The following SLC39A8 variants were observed in gnomAD, a reference collection of about 807,000 sequenced individuals.
SLC39A8 encodes solute carrier family 39 member 8, also known as metal cation symporter ZIP8.
Under a neutral mutation model 40.4 loss-of-function variants are expected in SLC39A8, and 15 were observed. The observed-to-expected ratio is 0.37, with a 90% CI of 0.25 to 0.57. The LOEUF (loss-of-function observed/expected upper bound fraction) is 0.57, where lower values mean the gene tolerates loss of function less well. SLC39A8 is among the 20% of genes least tolerant of loss of function. SLC39A8 has a pLI of 0.75. For missense variants in SLC39A8, 472 were observed against 558.8 expected, an observed-to-expected ratio of 0.84 and a Z score of 1.57; for synonymous variants, 223 against 221.6, an observed-to-expected ratio of 1.01 and a Z score of -0.06.
chr4:102,287,399 C>T (rs1432879644), intron 6 of SLC39A8, among the ~76,000 whole-genome samples: 1 of 152,168 alleles, frequency 6.6e-6, no homozygotes, highest in Non-Finnish European at 1.5e-5. Context: ...GAAGCACTCT[C>T]TGCACTTAAG....
chr4:102,270,601 A>G (rs552632321), intron 6 of SLC39A8, among the ~76,000 whole-genome samples: 1 of 152,288 alleles, frequency 6.6e-6, no homozygotes, highest in South Asian at 2.1e-4. Flanking sequence ...TACTCTAAAT[A>G]TGAGGCTATT....
rs1396077650 is a variant in SLC39A8, at chr4:102,290,656, TCAACAATTTGGCC to T, written c.840+13648_840+13660del. Among the ~76,000 whole-genome samples, 1,120 of 152,162 alleles carry T rather than the reference TCAACAATTTGGCC, an allele frequency of 7.4e-3. 20 individuals carry two copies. Among genetic ancestry groups the T allele is most frequent in the African/African-American group, 0.025 (1,050 of 41,512 alleles). The stretch of plus-strand genomic sequence containing the variant: ...TTTGTAGGTGTGAAGAAGGTAAACG[TCAACAATTTGGCC>T]CCTGAAAATGAGGACACTGGCTCAG... On this transcript the variant is annotated intron_variant, in intron 6 of 8. Coordinates refer to ENST00000356736, the MANE Select transcript of SLC39A8 (RefSeq NM_001135146.2).
chr4:102,315,564 T>A lies in SLC39A8; in HGVS notation c.382+104A>T, dbSNP rs973020980. On this transcript the variant is annotated intron_variant, in intron 3 of 8. Coordinates refer to ENST00000356736, the MANE Select transcript of SLC39A8 (RefSeq NM_001135146.2). ...AAGTATTATTCGAAGAAGTTCTATG[T>A]AGATTAATTAAAAGCAATAAAGCAG... 2.2e-5 allele frequency: 21 copies of A among 960,636 alleles called. No homozygotes were observed. In the African/African-American group the frequency reaches 3.0e-4, roughly 14 times the overall value. 59.5% of individuals were successfully genotyped at this position (960,636 alleles called of 1,614,324 possible).
intron 6 of SLC39A8, among the ~76,000 whole-genome samples, chr4:102,291,028 C>G (rs1328208742): frequency 1.3e-5 from 2 of 152,054 alleles, no homozygotes; most frequent in African/African-American, 4.8e-5. Context: ...TTCAACCTCT[C>G]CCTGTCTGCC....
chr4:102,333,149 G>C (rs773809511), intron 2 of SLC39A8, among the ~76,000 whole-genome samples: 11 of 151,984 alleles, frequency 7.2e-5, no homozygotes, highest in African/African-American at 2.7e-4. Context: ...ATGTATCCCA[G>C]AACTTGAAGT....
intron 2 of SLC39A8, among the ~76,000 whole-genome samples, chr4:102,336,434 C>T (rs886352969): frequency 5.9e-5 from 9 of 152,262 alleles, no homozygotes; most frequent in Admixed American, 2.6e-4. Context: ...GTCTAAGAAG[C>T]TCACCAAATA....
At chr4:102,306,625 G>C (rs969118559) in intron 4 of SLC39A8, among the ~76,000 whole-genome samples, 1 of 151,852 alleles carries the variant, frequency 6.6e-6, no homozygotes, top group Admixed American at 6.6e-5. Context: ...TCTGTATGGG[G>C]TTTGTCTCTC....
At chr4:102,288,927 A>C (rs1455337887) in intron 6 of SLC39A8, among the ~76,000 whole-genome samples, 1 of 152,138 alleles carries the variant, frequency 6.6e-6, no homozygotes, top group Non-Finnish European at 1.5e-5. Flanking sequence ...TATCCAGGAG[A>C]TCTAACTAAA....
intron 6 of SLC39A8, among the ~76,000 whole-genome samples, chr4:102,272,410 G>C (rs1732404233): frequency 1.3e-5 from 2 of 151,030 alleles, no homozygotes; most frequent in Admixed American, 1.3e-4. Context: ...AGCCGAGCCT[G>C]GGTGACAGAG....
rs180689118 is a variant in SLC39A8 at position 102,299,067 on chromosome 4, A to G, written c.840+5250T>C. On this transcript the variant is annotated intron_variant, in intron 6 of 8. Transcript: ENST00000356736. ...AATTCAAAGACACAAAGCAAACTGAAGACAGTTGGGAAGTACAGTACTAAA... is the reference window on the plus strand; with the variant it reads ...AATTCAAAGACACAAAGCAAACTGAGGACAGTTGGGAAGTACAGTACTAAA... 7.7e-4 allele frequency among the ~76,000 whole-genome samples: 117 copies of G among 152,106 alleles called. 1 individual carries two copies. Among genetic ancestry groups the G allele is most frequent in the African/African-American group, 2.6e-3 (110 of 41,534 alleles).
chr4:102,264,153 G>A (rs958265990), intron 8 of SLC39A8, among the ~76,000 whole-genome samples: 4 of 152,100 alleles, frequency 2.6e-5, no homozygotes, highest in Non-Finnish European at 4.4e-5. Flanking sequence ...TGCATCAGAG[G>A]AATCACTATC....
At chr4:102,286,345 G>A (rs1432024005) in intron 6 of SLC39A8, among the ~76,000 whole-genome samples, 1 of 152,068 alleles carries the variant, frequency 6.6e-6, no homozygotes, top group Non-Finnish European at 1.5e-5. Context: ...GAACAACACA[G>A]CAATTCTTCA....
At chr4:102,279,886 TGATA>T (rs1361829727) in intron 6 of SLC39A8, among the ~76,000 whole-genome samples, 1 of 152,138 alleles carries the variant, frequency 6.6e-6, no homozygotes, top group African/African-American at 2.4e-5. Context: ...GATTGGAGGT[TGATA>T]GAGAGAAAAG....
intron 2 of SLC39A8, among the ~76,000 whole-genome samples, chr4:102,322,937 T>C (rs889934218): frequency 6.6e-6 from 1 of 152,198 alleles, no homozygotes; most frequent in African/African-American, 2.4e-5. Flanking sequence ...GAAAGAGCTC[T>C]GTCTAGCTTC....
At chr4:102,334,590 C>T (rs973649071) in intron 2 of SLC39A8, among the ~76,000 whole-genome samples, 2 of 152,108 alleles carry the variant, frequency 1.3e-5, no homozygotes, top group African/African-American at 4.8e-5. Flanking sequence ...AGAACATATG[C>T]CAGCTTCAAA....
intron 6 of SLC39A8, among the ~76,000 whole-genome samples, chr4:102,285,974 C>G (rs1185716315): frequency 2.0e-5 from 3 of 152,124 alleles, no homozygotes; most frequent in Non-Finnish European, 2.9e-5. Flanking sequence ...TATTCCCAAA[C>G]TGCAGAATGC....
intron 6 of SLC39A8, among the ~76,000 whole-genome samples, chr4:102,290,499 T>G (rs901323013): frequency 2.0e-5 from 3 of 152,098 alleles, no homozygotes; most frequent in African/African-American, 7.2e-5. Context: ...CAGACTACTT[T>G]CATGTGATCA....
At chr4:102,277,483 T>C (rs552383571) in intron 6 of SLC39A8, among the ~76,000 whole-genome samples, 3 of 152,062 alleles carry the variant, frequency 2.0e-5, no homozygotes, top group Non-Finnish European at 4.4e-5. Flanking sequence ...CTCAACAAAA[T>C]AAGAGAGGAC....
At chr4:102,320,832 C>A (rs941054964) in intron 2 of SLC39A8, among the ~76,000 whole-genome samples, 1 of 148,992 alleles carries the variant, frequency 6.7e-6, no homozygotes, top group African/African-American at 2.5e-5. Context: ...CTCTGGAGAA[C>A]TCTAACATAC....
Sources: allele counts gnomAD v4.1 joint callset (sites outside exome capture counted in the v4.1 genomes callset), GRCh38; gene constraint gnomAD v4.1.1; transcripts MANE v1.5; gene names NCBI Gene and HGNC (gene_info 2026-07-23, HGNC 2026-07-21).